TRRAP: variants seen among roughly 807,000 people sequenced by gnomAD.
TRRAP encodes the protein transformation/transcription domain-associated protein.
A neutral mutation model predicts 438.8 loss-of-function variants in TRRAP; 41 were observed. The ratio of observed to expected loss-of-function variants is 0.09; its 90% CI spans 0.07 to 0.12. The LOEUF is 0.12. Among genes scored for constraint, TRRAP ranks in the 10% least tolerant of loss-of-function variants. The pLI, the probability that TRRAP is intolerant of heterozygous loss-of-function variation, is 1.00. For missense variants in TRRAP, 3,122 were observed against 5,055.1 expected (o/e 0.62, Z 11.60); for synonymous variants, 1,994 against 1,962.9 (o/e 1.02, Z -0.42).
At chr7:98,928,217 C>T (rs1790143457) in intron 23 of TRRAP, among the ~76,000 whole-genome samples, 1 of 151,822 alleles carries the variant, frequency 6.6e-6, no homozygotes, top group South Asian at 2.1e-4. Context: ...GCCTGGGCAA[C>T]AAGAGCGAAA....
chr7:98,945,502 T>C (rs1315189597), intron 31 of TRRAP, among the ~76,000 whole-genome samples: 3 of 152,264 alleles, frequency 2.0e-5, no homozygotes, highest in African/African-American at 7.2e-5. Flanking sequence ...AACCCTATTT[T>C]GAAAACGTGC....
Position 98,964,739 on chromosome 7 carries a change from C to G in TRRAP, c.6940C>G (p.Pro2314Ala). ...LQKMVREHLN[P>A]QAASGSTEAT... ...GAAGATGGTCCGGGAGCATTTAAAC[C>G]CTCAGGCAGCGTCAGGAAGCACCGA... Residue 2314 changes from proline to alanine, a missense_variant, in exon 48 of 73, where the codon CCT becomes GCT. Physicochemically the swap from Pro to Ala is conservative, Grantham distance 27. Coordinates refer to ENST00000456197, the MANE Select transcript of TRRAP (RefSeq NM_001375524.1). 1 of 1,613,106 alleles carries G rather than the reference C, an allele frequency of 6.2e-7. No individual in the cohort carries two copies.
chr7:98,894,532 G>A (rs2116317780), intron 6 of TRRAP, among the ~76,000 whole-genome samples: 1 of 151,666 alleles, frequency 6.6e-6, no homozygotes. Flanking sequence ...GAAATTAAAA[G>A]CATAAAGATG....
At position 98,948,292 on chromosome 7, in the gene TRRAP, G is replaced by A. The variant is rs1554417350; in HGVS notation, c.4620G>A (p.Lys1540=). ...CGGCTGCTCCTCAGACACTGGTGAA[G>A]CCTTTGCTAGAGGTTGTCATGAAAA... ...LIPAAPQTLV[K]PLLEVVMKTE... The change falls in exon 34 of 73, where the codon AAG becomes AAA. Residue 1540 remains lysine (K), a synonymous_variant. Transcript: ENST00000456197. This position sits in a 1 kb window ranked among gnomAD's most constrained non-coding sequence, Gnocchi z 4.9. 48 of 1,614,212 alleles carry A rather than the reference G, an allele frequency of 3.0e-5. No homozygotes were observed. The highest frequency in any genetic ancestry group is 4.0e-5 in the Non-Finnish European group (47 of 1,180,040).
intron 23 of TRRAP, among the ~76,000 whole-genome samples, chr7:98,929,130 CG>C (rs1790206536): frequency 6.6e-6 from 1 of 152,080 alleles, no homozygotes; most frequent in South Asian, 2.1e-4. Flanking sequence ...TTAGTAGAGA[CG>C]GGGTTTCACC....
intron 41 of TRRAP, among the ~76,000 whole-genome samples, chr7:98,955,734 A>G (rs1361820192): frequency 6.6e-6 from 1 of 152,210 alleles, no homozygotes; most frequent in Non-Finnish European, 1.5e-5. Context: ...TTTGGGGTAG[A>G]AGAGAAAGGA....
chr7:98,999,038 TG>T, intron 67 of TRRAP: 1 of 819,402 alleles, frequency 1.2e-6, no homozygotes, highest in Non-Finnish European at 2.0e-6. Flanking sequence ...AGCTCCAAGG[TG>T]GATGGGAGGA....
At chr7:98,968,887 G>A (rs754409745) in intron 51 of TRRAP, among the ~76,000 whole-genome samples, 3 of 152,220 alleles carry the variant, frequency 2.0e-5, no homozygotes, top group Admixed American at 6.5e-5. Context: ...GAGACCTTTC[G>A]ACTGCTGGTT....
At position 99,011,285 on chromosome 7, in the gene TRRAP, C is replaced by T. The variant is rs750633952; in HGVS notation, c.11142+30C>T. On this transcript the variant is annotated intron_variant, in intron 71 of 72. Coordinates refer to ENST00000456197, the MANE Select transcript of TRRAP (RefSeq NM_001375524.1). This position sits in a 1 kb window ranked among gnomAD's most constrained non-coding sequence, Gnocchi z 7.1. ...CCTGCTTTGAACAGCCAGATCCTCT[C>T]CTCGTGACATCGCCTTTCTGCTGAA... The T allele has an allele frequency of 1.7e-5, 28 of 1,612,954 alleles. No individual in the cohort carries two copies. The highest frequency in any genetic ancestry group is 2.3e-5 in the Non-Finnish European group (27 of 1,178,992).
At chr7:98,945,485 A>C (rs310743) in intron 31 of TRRAP, among the ~76,000 whole-genome samples, 20,842 of 152,232 alleles carry the variant, frequency 0.14, 4,468 homozygotes, top group African/African-American at 0.46. Context: ...TTTCACAAGA[A>C]TCCTGAAACC....
intron 8 of TRRAP, among the ~76,000 whole-genome samples, chr7:98,898,997 G>T (rs1465679478): frequency 1.3e-5 from 2 of 152,140 alleles, no homozygotes; most frequent in African/African-American, 4.8e-5. Flanking sequence ...AGACCAGCCT[G>T]GCCAACATGG....
At chr7:99,001,330 C>T (rs142391785) in intron 67 of TRRAP, among the ~76,000 whole-genome samples, 1 of 152,306 alleles carries the variant, frequency 6.6e-6, no homozygotes, top group Non-Finnish European at 1.5e-5. Flanking sequence ...GCGCTTTCAT[C>T]TCCTCAGGCT....
chr7:98,931,987 T>A (rs1311950265), intron 26 of TRRAP, among the ~76,000 whole-genome samples: 2 of 151,996 alleles, frequency 1.3e-5, no homozygotes, highest in African/African-American at 4.8e-5. Flanking sequence ...CAATCCTAGC[T>A]CACTGCAGCC....
rs373500751 is a variant in TRRAP at position 98,950,833 on chromosome 7, A to G, written c.5335-43A>G. ...CTTCCCGTCTTAAGAAACAAACAGC[A>G]TGGCTTTGTTTTTCTCCTTCTTTAT... On this transcript the variant is annotated intron_variant, in intron 38 of 72. Coordinates refer to ENST00000456197, the MANE Select transcript of TRRAP (RefSeq NM_001375524.1). 12 of 1,484,850 alleles carry G rather than the reference A, an allele frequency of 8.1e-6. No homozygotes were observed. In the African/African-American group the frequency reaches 1.3e-4, roughly 16 times the overall value. The allele number at this position is 1,484,850 out of a possible 1,614,324, so 92.0% of individuals were successfully genotyped here.
chr7:98,932,577 C>T (rs1554413190), intron 26 of TRRAP, among the ~76,000 whole-genome samples: 4 of 152,166 alleles, frequency 2.6e-5, no homozygotes, highest in Middle Eastern at 3.4e-3. Flanking sequence ...CTCCTGGGGT[C>T]GAGCAGTCCT....
chr7:98,962,182 G>A, intron 46 of TRRAP, 120 bp from the exon 47 acceptor site: 1 of 1,473,964 alleles, frequency 6.8e-7, no homozygotes, highest in South Asian at 1.3e-5. Flanking sequence ...GTCCTGCAGG[G>A]AGAGAAGTGC....
intron 3 of TRRAP, among the ~76,000 whole-genome samples, chr7:98,883,496 A>C (rs948785048): frequency 1.3e-5 from 2 of 152,200 alleles, no homozygotes; most frequent in African/African-American, 4.8e-5. Context: ...GCTGTGGGCC[A>C]TGTTATCCTG....
chr7:98,976,879 T>G lies in TRRAP; in HGVS notation c.8248-60T>G. On this transcript the variant is annotated intron_variant, in intron 55 of 72. Transcript: ENST00000456197. The surrounding 1 kb of genome is among the most constrained non-coding windows in gnomAD (Gnocchi z 4.6). The stretch of plus-strand genomic sequence containing the variant: ...CAAATGACAGCACAGTGAAACTATT[T>G]TTAGGGGGGAAAAAAAGTCTCTGTC... 1 of 1,606,422 alleles carries G rather than the reference T, an allele frequency of 6.2e-7. No individual in the cohort carries two copies. The highest frequency in any genetic ancestry group is 1.7e-5 in the Admixed American group (1 of 59,332).
chr7:98,974,600 G>T (rs1792568044), intron 53 of TRRAP, among the ~76,000 whole-genome samples: 1 of 152,108 alleles, frequency 6.6e-6, no homozygotes, highest in Non-Finnish European at 1.5e-5. Flanking sequence ...GTAATCCTGA[G>T]ACACAAAACC....
Sources: gnomAD v4.1 joint callset for allele counts (sites outside exome capture counted in the v4.1 genomes callset) on GRCh38, gnomAD v4.1.1 for gene constraint, Gnocchi (gnomAD v3.1) non-coding constraint, MANE v1.5 for transcripts, NCBI Gene and HGNC (gene_info 2026-07-23, HGNC 2026-07-21) for gene names.